FREM2: variants seen among roughly 807,000 people sequenced by gnomAD.
The protein encoded by FREM2 is FRAS1 related extracellular matrix 2.
A neutral mutation model predicts 219.9 loss-of-function variants in FREM2; 119 were observed. The ratio of observed to expected loss-of-function variants is 0.54; its 90% CI spans 0.47 to 0.63. FREM2 has a LOEUF of 0.63. FREM2 is among the 30% of genes least tolerant of loss of function. The pLI is 0.00. For missense variants in FREM2, 4,030 were observed against 3,993.6 expected (o/e 1.01, Z -0.25); for synonymous variants, 1,562 against 1,522.8 (o/e 1.03, Z -0.60).
chr13:38,841,350 G>C (rs1022407739), intron 6 of FREM2, among the ~76,000 whole-genome samples: 1 of 152,112 alleles, frequency 6.6e-6, no homozygotes, highest in African/African-American at 2.4e-5. Context: ...GCAGGTCTCT[G>C]TATCTTCTGC....
intron 2 of FREM2, among the ~76,000 whole-genome samples, chr13:38,729,060 C>A (rs959536439): frequency 1.3e-5 from 2 of 152,226 alleles, no homozygotes; most frequent in Non-Finnish European, 2.9e-5. Flanking sequence ...GTCTTGAACT[C>A]CCGACCTCAG....
At chr13:38,757,715 C>T (rs779459752) in intron 2 of FREM2, among the ~76,000 whole-genome samples, 1 of 152,038 alleles carries the variant, frequency 6.6e-6, no homozygotes, top group African/African-American at 2.4e-5. Flanking sequence ...CTGTCTCAGC[C>T]TCCTGAGTAG....
In FREM2 at chr13:38,848,494, T is replaced by C. The variant is rs1877246506; in HGVS notation, c.6203T>C (p.Leu2068Ser). Residue 2068 changes from leucine (L) to serine (S), a missense_variant, in exon 8 of 24, where the codon TTA (leucine) becomes TCA (serine). Leu to Ser is a moderately radical substitution (Grantham distance 145). Transcript: ENST00000280481. The part of the protein sequence containing the change: ...GTDYVGISRN[L>S]DFAPGVNMQP... Reference sequence around the variant, plus strand: ...GACTATGTGGGCATCAGCCGTAATTTAGATTTTGCACCTGGAGTCAACATG... The same window carrying C: ...GACTATGTGGGCATCAGCCGTAATTCAGATTTTGCACCTGGAGTCAACATG... 1 of 1,614,088 alleles carries C rather than the reference T, an allele frequency of 6.2e-7. No homozygotes were observed. Among genetic ancestry groups the C allele is most frequent in the Non-Finnish European group, 8.5e-7 (1 of 1,179,940 alleles).
intron 2 of FREM2, among the ~76,000 whole-genome samples, chr13:38,752,784 G>A (rs944469206): frequency 9.9e-5 from 15 of 152,140 alleles, no homozygotes; most frequent in African/African-American, 3.4e-4. Flanking sequence ...TATACAAATA[G>A]GAATTAGAAA....
intron 2 of FREM2, among the ~76,000 whole-genome samples, chr13:38,759,529 G>T (rs1246550673): frequency 6.6e-6 from 1 of 152,064 alleles, no homozygotes; most frequent in African/African-American, 2.4e-5. Context: ...TTCAAAAGAG[G>T]TCTTTTCATC....
rs1160348600 is a variant in FREM2, at chr13:38,881,586, A to C, written c.*799A>C. On this transcript the variant is annotated 3_prime_UTR_variant, in exon 24 of 24. Coordinates refer to ENST00000280481, the MANE Select transcript of FREM2 (RefSeq NM_207361.6). ...TGGTGCTCAACATTTGTGGGAAATTAGAGGGTTGGTGAGATTTTGGTGATG... is the reference window on the plus strand; with the variant it reads ...TGGTGCTCAACATTTGTGGGAAATTCGAGGGTTGGTGAGATTTTGGTGATG... 1 of 152,734 alleles carries C rather than the reference A, an allele frequency of 6.5e-6. No homozygotes were observed. Among genetic ancestry groups the C allele is most frequent in the Non-Finnish European group, 1.5e-5 (1 of 68,124 alleles). 9.5% of individuals were successfully genotyped at this position (152,734 alleles called of 1,614,324 possible). A position where few individuals can be genotyped will look rare whatever the true frequency, so the allele number is the denominator to read the frequency against.
chr13:38,868,160 G>C (rs534986286), intron 16 of FREM2, among the ~76,000 whole-genome samples: 1 of 152,300 alleles, frequency 6.6e-6, no homozygotes, highest in African/African-American at 2.4e-5. Context: ...ATAGGTGAGG[G>C]AGAAGAAAAT....
chr13:38,764,141 C>G (rs1267869715), intron 2 of FREM2, among the ~76,000 whole-genome samples, 163 bp from the exon 3 acceptor site: 2 of 152,174 alleles, frequency 1.3e-5, no homozygotes, highest in South Asian at 4.1e-4. Flanking sequence ...GTAACAGTCT[C>G]TAGACTGTAA....
rs763353286 is a variant in FREM2 at position 38,690,021 on chromosome 13, G to C, written c.2677G>C (p.Glu893Gln). 26 of 1,613,816 alleles carry C rather than the reference G, an allele frequency of 1.6e-5. No homozygotes were observed. In the South Asian group the frequency reaches 2.9e-4, roughly 18 times the overall value. The change falls in exon 1 of 24, where the codon GAG (glutamate) becomes CAG (glutamine). Residue 893 changes from glutamate (E) to glutamine (Q), a missense_variant. Around this residue, in one of 2 missense-constraint regions of FREM2, gnomAD observed 3,102 missense variants for 2,950.7 expected, o/e 1.05. Transcript: ENST00000280481. The stretch of plus-strand genomic sequence containing the variant: ...GCATGTAGGGGGTCTCTTCCACTTG[G>C]AGGACATAAAACAGGGCCGAGTTTC... ...ILHVGGLFHL[E>Q]DIKQGRVSYA...
At chr13:38,878,387 T>C (rs1399330399) in intron 22 of FREM2, 66 bp downstream of exon 22, 1 of 1,079,740 alleles carries the variant, frequency 9.3e-7, no homozygotes, top group African/African-American at 1.8e-5. Flanking sequence ...TTGTCTTATA[T>C]TTAAAAACAA....
chr13:38,715,036 G>A (rs950083045), intron 2 of FREM2, among the ~76,000 whole-genome samples: 2 of 152,166 alleles, frequency 1.3e-5, no homozygotes, highest in Non-Finnish European at 2.9e-5. Context: ...AGGTTACAGT[G>A]AGCCGAGATC....
chr13:38,800,581 C>G (rs904132271), intron 6 of FREM2, among the ~76,000 whole-genome samples: 2 of 152,118 alleles, frequency 1.3e-5, no homozygotes, highest in African/African-American at 4.8e-5. Flanking sequence ...CCTCCTATAT[C>G]TGAATGTCTA....
intron 6 of FREM2, among the ~76,000 whole-genome samples, chr13:38,788,776 C>G (rs942137077): frequency 6.6e-6 from 1 of 151,846 alleles, no homozygotes; most frequent in South Asian, 2.1e-4. Flanking sequence ...TTATAATGGT[C>G]CCCCATTTAG....
chr13:38,828,330 G>A (rs148149466), intron 6 of FREM2, among the ~76,000 whole-genome samples: 3 of 152,044 alleles, frequency 2.0e-5, no homozygotes, highest in African/African-American at 4.8e-5. Context: ...AACAGTTCAG[G>A]TACACTGAAA....
intron 12 of FREM2, among the ~76,000 whole-genome samples, chr13:38,856,622 ACT>A (rs1877569993): frequency 6.6e-6 from 1 of 151,934 alleles, no homozygotes; most frequent in Admixed American, 6.6e-5. Context: ...CAGTGCCACA[ACT>A]CATAAAACAT....
chr13:38,840,636 A>ATATATATATATATATG (rs1179577366), intron 6 of FREM2, among the ~76,000 whole-genome samples: 6 of 145,890 alleles, frequency 4.1e-5, no homozygotes, highest in African/African-American at 1.6e-4. Context: ...ATATATATAT[A>ATATATATATATATATG]TATATATATG....
At chr13:38,832,442 A>G (rs1334452299) in intron 6 of FREM2, among the ~76,000 whole-genome samples, 1 of 152,172 alleles carries the variant, frequency 6.6e-6, no homozygotes, top group Non-Finnish European at 1.5e-5. Context: ...AAATGAATGT[A>G]TGCAAGAAAT....
intron 6 of FREM2, among the ~76,000 whole-genome samples, chr13:38,805,339 G>GA (rs1011387476): frequency 1.9e-4 from 29 of 151,602 alleles, no homozygotes; most frequent in Admixed American, 9.2e-4. Context: ...GAGAGGGATT[G>GA]AAAAAAAATC....
Position 38,690,332 on chromosome 13 carries a change from C to A in FREM2, c.2988C>A (p.Val996=). The change falls in exon 1 of 24, where the codon GTC becomes GTA. Residue 996 remains valine, a synonymous_variant. Transcript: ENST00000280481. ...EDPPLYGEIL[V]NGIPAEQFTQ... is the part of the protein sequence containing the mutation. ...CACCTTTGTATGGGGAAATCTTGGT[C>A]AATGGCATTCCAGCAGAGCAGTTTA... The A allele has an allele frequency of 6.2e-7, 1 of 1,614,164 alleles. No homozygotes were observed. The highest frequency in any genetic ancestry group is 1.1e-5 in the South Asian group (1 of 91,066).
Sources: gnomAD v4.1 joint callset for allele counts (sites outside exome capture counted in the v4.1 genomes callset) on GRCh38, gnomAD v4.1.1 for gene constraint, gnomAD v4.1.1 regional missense constraint, MANE v1.5 for transcripts, NCBI Gene and HGNC (gene_info 2026-07-23, HGNC 2026-07-21) for gene names.